STX8: variants seen among roughly 807,000 people sequenced by gnomAD.
STX8 encodes syntaxin-8.
A neutral mutation model predicts 37.5 loss-of-function variants in STX8; 23 were observed. That is an observed-to-expected ratio of 0.61 (90% CI 0.44 to 0.87). The LOEUF is 0.87. Among genes scored for constraint, STX8 ranks in the 40% least tolerant of loss-of-function variants. STX8 has a pLI of 0.00. For missense variants in STX8, 313 were observed against 284.7 expected (o/e 1.10, Z -0.71); for synonymous variants, 115 against 99.1 (o/e 1.16, Z -0.95).
chr17:9,513,444 G>A (rs192488347), intron 4 of STX8, among the ~76,000 whole-genome samples: 4 of 151,892 alleles, frequency 2.6e-5, no homozygotes, highest in African/African-American at 4.8e-5. Context: ...ATTACTAATC[G>A]TCAGGGAACT....
chr17:9,348,235 C>T (rs1033844457), intron 7 of STX8, among the ~76,000 whole-genome samples: 4 of 151,608 alleles, frequency 2.6e-5, no homozygotes, highest in East Asian at 1.9e-4. Context: ...ACCATCCTGA[C>T]GTTGAAACCC....
At chr17:9,427,835 A>G (rs925841660) in intron 6 of STX8, among the ~76,000 whole-genome samples, 1 of 152,134 alleles carries the variant, frequency 6.6e-6, no homozygotes, top group Non-Finnish European at 1.5e-5. Context: ...ATTTTCTTAA[A>G]ATAGAGTTGA....
chr17:9,376,796 A>C (rs1217431331), intron 7 of STX8, among the ~76,000 whole-genome samples: 1 of 152,200 alleles, frequency 6.6e-6, no homozygotes, highest in Non-Finnish European at 1.5e-5. Context: ...CAAGAACTGT[A>C]ACATTCACTG....
chr17:9,301,945 T>G (rs1048134801), intron 7 of STX8, among the ~76,000 whole-genome samples: 4 of 152,238 alleles, frequency 2.6e-5, no homozygotes, highest in Admixed American at 6.5e-5. Flanking sequence ...TCTAAATTCA[T>G]ATAGTGAAAT....
At chr17:9,462,413 T>C (rs1278698266) in intron 6 of STX8, among the ~76,000 whole-genome samples, 1 of 152,120 alleles carries the variant, frequency 6.6e-6, no homozygotes, top group Non-Finnish European at 1.5e-5. Context: ...CCTGAGTTCT[T>C]TTCTCTTTCA....
intron 4 of STX8, among the ~76,000 whole-genome samples, chr17:9,511,600 A>G (rs1905020496): frequency 6.6e-6 from 1 of 152,206 alleles, no homozygotes. Context: ...AAGTACCTCA[A>G]CACAATAAAG....
intron 4 of STX8, among the ~76,000 whole-genome samples, chr17:9,517,666 T>A (rs1017644683): frequency 2.0e-5 from 3 of 151,064 alleles, no homozygotes; most frequent in African/African-American, 7.3e-5. Context: ...TTCATAAAGG[T>A]AAGGAGGTTG....
In STX8 at chr17:9,491,941, T is replaced by C. The variant is rs1906870106; in HGVS notation, c.449-20A>G. The C allele has an allele frequency of 1.3e-6, 2 of 1,563,630 alleles. No homozygotes were observed. Among genetic ancestry groups the C allele is most frequent in the South Asian group, 2.3e-5 (2 of 86,338 alleles). On this transcript the variant is annotated intron_variant, in intron 5 of 7. Transcript: ENST00000306357. ...CCTGTTCTGAAAGAAAAAAGAAAAA[T>C]AATTAACTAGAAACTAGAAGAAAAC... is the stretch of plus-strand genomic sequence containing the variant.
chr17:9,522,539 TCCAAAAAAAAA>T (rs1905390693), intron 4 of STX8, among the ~76,000 whole-genome samples: 1 of 112,578 alleles, frequency 8.9e-6, no homozygotes, highest in Non-Finnish European at 1.7e-5. Context: ...CTACTAAAAA[TCCAAAAAAAAA>T]AAAAAAAAAA....
At position 9,251,169 on chromosome 17, in the gene STX8, T is replaced by C. The variant is rs533968900; in HGVS notation, c.644-524A>G. ...TTTTGATATATACTTTTTCTGCTAG[T>C]ATTTGCTAGTTTCATTTCCTGACGT... On this transcript the variant is annotated intron_variant, in intron 7 of 7. Transcript: ENST00000306357. Among the ~76,000 whole-genome samples the C allele has an allele frequency of 2.1e-4, 32 of 152,344 alleles. No individual in the cohort carries two copies. In the South Asian group the frequency reaches 3.5e-3, roughly 17 times the overall value.
At chr17:9,438,315 C>CT (rs983922972) in intron 6 of STX8, among the ~76,000 whole-genome samples, 13 of 151,572 alleles carry the variant, frequency 8.6e-5, no homozygotes, top group African/African-American at 3.2e-4. Context: ...CACTACCCCC[C>CT]TCCCCCACCC....
intron 6 of STX8, among the ~76,000 whole-genome samples, chr17:9,446,799 G>T (rs938093389): frequency 4.6e-5 from 7 of 152,134 alleles, no homozygotes; most frequent in African/African-American, 1.4e-4. Context: ...CCCACTGAGA[G>T]TGAGACAGAA....
intron 7 of STX8, among the ~76,000 whole-genome samples, chr17:9,291,992 T>C (rs1222538561): frequency 6.6e-6 from 1 of 152,250 alleles, no homozygotes; most frequent in Non-Finnish European, 1.5e-5. Flanking sequence ...CTTGCCTTAG[T>C]TGAACTAAGG....
chr17:9,334,890 T>C (rs1208990358), intron 7 of STX8, among the ~76,000 whole-genome samples: 1 of 152,210 alleles, frequency 6.6e-6, no homozygotes, highest in Non-Finnish European at 1.5e-5. Flanking sequence ...AGAATCAGTA[T>C]GTCAGTATGT....
At chr17:9,301,508 A>G (rs535384130) in intron 7 of STX8, among the ~76,000 whole-genome samples, 1 of 151,046 alleles carries the variant, frequency 6.6e-6, no homozygotes, top group Non-Finnish European at 1.5e-5. Context: ...TTTGAGATGG[A>G]GTCTCACTCT....
intron 6 of STX8, among the ~76,000 whole-genome samples, chr17:9,454,611 C>T (rs1248591420): frequency 6.7e-6 from 1 of 148,432 alleles, no homozygotes; most frequent in Non-Finnish European, 1.5e-5. Flanking sequence ...ACCCGGGAGG[C>T]GGAGCTTGCA....
At chr17:9,540,833 T>A (rs1305951991) in intron 4 of STX8, 1 of 152,266 alleles carries the variant, frequency 6.6e-6, no homozygotes, top group Non-Finnish European at 1.5e-5. Context: ...GGTTTCATCT[T>A]GAGAGCATGT....
intron 2 of STX8, among the ~76,000 whole-genome samples, chr17:9,561,402 T>C (rs1033282737): frequency 1.3e-5 from 2 of 152,118 alleles, no homozygotes; most frequent in African/African-American, 4.8e-5. Flanking sequence ...GTCACGCTTG[T>C]AATCCCAGCA....
chr17:9,335,593 T>C (rs2142223341), intron 7 of STX8, among the ~76,000 whole-genome samples: 1 of 141,268 alleles, frequency 7.1e-6, no homozygotes, highest in South Asian at 2.5e-4. Flanking sequence ...AAACTGTTAG[T>C]AGTCATGATT....
Sources: gnomAD v4.1 joint callset for allele counts (sites outside exome capture counted in the v4.1 genomes callset) on GRCh38, gnomAD v4.1.1 for gene constraint, MANE v1.5 for transcripts, NCBI Gene and HGNC (gene_info 2026-07-23, HGNC 2026-07-21) for gene names.